PARD3: variants seen among roughly 807,000 people sequenced by gnomAD.
The protein encoded by PARD3 is par-3 family cell polarity regulator, also known as partitioning defective 3 homolog.
A neutral mutation model predicts 155.4 loss-of-function variants in PARD3; 75 were observed. The observed-to-expected ratio is 0.48, with a 90% CI of 0.40 to 0.58. The LOEUF (loss-of-function observed/expected upper bound fraction) is 0.58. PARD3 is among the 20% of genes least tolerant of loss of function. The probability of loss-of-function intolerance (pLI) is 0.00; values close to 1 mark genes in which losing one functional copy is unlikely to be tolerated. For synonymous variants in PARD3, 576 were observed against 610.5 expected, an observed-to-expected ratio of 0.94 and a Z score of 0.83; for missense variants, 1,642 against 1,721.7, an observed-to-expected ratio of 0.95 and a Z score of 0.82.
At chr10:34,258,078 T>C (rs1414222334) in intron 22 of PARD3, among the ~76,000 whole-genome samples, 2 of 152,196 alleles carry the variant, frequency 1.3e-5, no homozygotes, top group Non-Finnish European at 1.5e-5. Context: ...TGTGAACCAA[T>C]ATGACACAGT....
chr10:34,695,229 C>A (rs2094144209), intron 2 of PARD3, among the ~76,000 whole-genome samples: 1 of 152,176 alleles, frequency 6.6e-6, no homozygotes, highest in Non-Finnish European at 1.5e-5. Context: ...GTAATGCCAA[C>A]ACTTTGAGAG....
intron 3 of PARD3, among the ~76,000 whole-genome samples, chr10:34,476,014 G>A (rs1029381424): frequency 6.6e-6 from 1 of 151,992 alleles, no homozygotes; most frequent in East Asian, 1.9e-4. Flanking sequence ...GAAGCTGGGC[G>A]TGGTGGCTCA....
chr10:34,542,543 G>C (rs777341022), intron 2 of PARD3, among the ~76,000 whole-genome samples: 24 of 152,096 alleles, frequency 1.6e-4, no homozygotes, highest in Non-Finnish European at 4.4e-5. Flanking sequence ...AAAGTTAAAG[G>C]CCACTAACTG....
chr10:34,758,784 T>C (rs1217940586), intron 1 of PARD3, among the ~76,000 whole-genome samples: 2 of 152,200 alleles, frequency 1.3e-5, no homozygotes, highest in Non-Finnish European at 2.9e-5. Flanking sequence ...AAGCCCACCC[T>C]GTGAAAGGGC....
intron 3 of PARD3, among the ~76,000 whole-genome samples, chr10:34,490,419 A>T (rs1451782111): frequency 6.6e-6 from 1 of 152,132 alleles, no homozygotes; most frequent in African/African-American, 2.4e-5. Context: ...ACAGAGGGAG[A>T]GGGTGTGTGT....
At chr10:34,364,086 G>C (rs771475977) in intron 12 of PARD3, among the ~76,000 whole-genome samples, 7 of 152,146 alleles carry the variant, frequency 4.6e-5, no homozygotes, top group Non-Finnish European at 1.0e-4. Context: ...ACTGAGAATA[G>C]AGCTGGCCTA....
intron 2 of PARD3, among the ~76,000 whole-genome samples, chr10:34,673,924 G>T (rs904516509): frequency 6.6e-6 from 1 of 151,384 alleles, no homozygotes; most frequent in Admixed American, 6.6e-5. Context: ...GGGAGAGGCT[G>T]CAGTGAGCCA....
chr10:34,145,547 C>A (rs1057483254), intron 22 of PARD3, among the ~76,000 whole-genome samples: 4 of 151,882 alleles, frequency 2.6e-5, no homozygotes, highest in Non-Finnish European at 5.9e-5. Flanking sequence ...CCTCATCTAT[C>A]AAGCCTTCTA....
intron 7 of PARD3, among the ~76,000 whole-genome samples, chr10:34,389,441 C>T (rs928778259): frequency 1.3e-5 from 2 of 152,096 alleles, no homozygotes; most frequent in East Asian, 3.9e-4. Context: ...CGCAGTCACA[C>T]ATGTTAACAT....
intron 20 of PARD3, among the ~76,000 whole-genome samples, chr10:34,297,277 T>G (rs1956952725): frequency 6.6e-6 from 1 of 152,308 alleles, no homozygotes; most frequent in South Asian, 2.1e-4. Context: ...CACTTCAGTC[T>G]CAGTGACAAA....
intron 19 of PARD3, among the ~76,000 whole-genome samples, chr10:34,328,561 TG>T (rs949671258): frequency 2.0e-5 from 3 of 152,198 alleles, no homozygotes; most frequent in African/African-American, 7.2e-5. Context: ...AAGGTGGTGG[TG>T]GGGGGAAGGT....
chr10:34,124,077 G>GTA (rs951739333), intron 23 of PARD3, among the ~76,000 whole-genome samples: 10 of 151,952 alleles, frequency 6.6e-5, no homozygotes, highest in South Asian at 2.1e-4. Flanking sequence ...GTGTGCACGT[G>GTA]TATATATATA....
chr10:34,235,368 C>T (rs1055362611), intron 22 of PARD3, among the ~76,000 whole-genome samples: 1 of 152,182 alleles, frequency 6.6e-6, no homozygotes. Context: ...GGGTGAGAAT[C>T]AGCTCATAGG....
intron 19 of PARD3, among the ~76,000 whole-genome samples, chr10:34,325,036 G>C (rs1958605370): frequency 6.6e-6 from 1 of 152,000 alleles, no homozygotes; most frequent in Non-Finnish European, 1.5e-5. Flanking sequence ...TTGAGATGGA[G>C]TTTTGCTTTG....
intron 1 of PARD3, among the ~76,000 whole-genome samples, chr10:34,797,437 G>C (rs4430454): frequency 0.78 from 118,846 of 152,214 alleles, 47,538 homozygotes; most frequent in African/African-American, 0.95. Flanking sequence ...CAGGCGTGAG[G>C]CACCGCACCT....
intron 1 of PARD3, among the ~76,000 whole-genome samples, chr10:34,752,936 A>G (rs1033203514): frequency 6.8e-6 from 1 of 146,484 alleles, no homozygotes; most frequent in Non-Finnish European, 1.5e-5. Flanking sequence ...TTGGTCTCAA[A>G]GTCTGAGTGG....
chr10:34,651,644 T>A (rs747037901), intron 2 of PARD3, among the ~76,000 whole-genome samples: 10 of 152,198 alleles, frequency 6.6e-5, no homozygotes, highest in Non-Finnish European at 1.5e-4. Context: ...TGTTTTTTTG[T>A]AAGCGACGTT....
chr10:34,668,028 G>A (rs1295180249), intron 2 of PARD3, among the ~76,000 whole-genome samples: 1 of 152,138 alleles, frequency 6.6e-6, no homozygotes, highest in African/African-American at 2.4e-5. Context: ...CATGGAGTGA[G>A]GATGGATACG....
At chr10:34,783,692 G>A (rs975267978) in intron 1 of PARD3, among the ~76,000 whole-genome samples, 18 of 147,040 alleles carry the variant, frequency 1.2e-4, no homozygotes, top group African/African-American at 4.5e-4. Flanking sequence ...TGTCACAAAA[G>A]TATAATCAAC....
Sources: gnomAD v4.1 joint callset for allele counts (sites outside exome capture counted in the v4.1 genomes callset) on GRCh38, gnomAD v4.1.1 for gene constraint, MANE v1.5 for transcripts, NCBI Gene and HGNC (gene_info 2026-07-23, HGNC 2026-07-21) for gene names.